COL4A4: variants seen among roughly 807,000 people sequenced by gnomAD.
The protein encoded by COL4A4 is collagen type IV alpha 4 chain.
A neutral mutation model predicts 192.9 loss-of-function variants in COL4A4; 105 were observed. The ratio of observed to expected loss-of-function variants is 0.54; its 90% CI spans 0.46 to 0.64. The LOEUF is 0.64. Ranked by LOEUF, COL4A4 falls within the 30% of genes least tolerant of loss-of-function variation. The probability of loss-of-function intolerance (pLI) is 0.00; values close to 1 mark genes in which losing one functional copy is unlikely to be tolerated. For missense variants in COL4A4, 1,967 were observed against 2,169.3 expected (o/e 0.91, Z 1.85); for synonymous variants, 762 against 769.9 (o/e 0.99, Z 0.17).
At chr2:227,068,801 T>A (rs1356177416) in intron 25 of COL4A4, among the ~76,000 whole-genome samples, 16 of 147,686 alleles carry the variant, frequency 1.1e-4, no homozygotes, top group Non-Finnish European at 2.0e-4. Context: ...CTTTGAAAAC[T>A]GGCACAAGAC....
rs182883335 is a variant in COL4A4, at chr2:227,063,386, A to G, written c.1988-788T>C. Among the ~76,000 whole-genome samples the G allele has an allele frequency of 3.5e-3, 533 of 152,230 alleles. 3 individuals carry two copies. The highest frequency in any genetic ancestry group is 6.3e-3 in the Non-Finnish European group (427 of 67,990). The stretch of plus-strand genomic sequence containing the variant: ...ATTTCTTTATATGCTCTCAGATCTA[A>G]GATATATCAGATGAATAAAAATGAC... On this transcript the variant is annotated intron_variant, in intron 25 of 47. Transcript: ENST00000396625.
chr2:227,102,846 T>C lies in COL4A4; in HGVS notation c.873A>G (p.Gly291=). 1 of 1,612,364 alleles carries C rather than the reference T, an allele frequency of 6.2e-7. No homozygotes were observed. The highest frequency in any genetic ancestry group is 1.1e-5 in the South Asian group (1 of 91,022). ...VGLPGPPGRK[G]ESGIGAKGEK... The stretch of plus-strand genomic sequence containing the variant: ...CTCCTTTTGCCCCAATACCAGATTC[T>C]CCCTTTAAGAGATGACAACATTTAG... Residue 291 remains glycine (G), a splice_region_variant and synonymous_variant, in exon 15 of 48, where the codon GGA becomes GGG. Transcript: ENST00000396625.
In COL4A4 at chr2:227,062,541, T is replaced by C. The variant is rs142093416; in HGVS notation, c.2045A>G (p.Asp682Gly). 102 of 1,604,480 alleles carry C rather than the reference T, an allele frequency of 6.4e-5. No individual in the cohort carries two copies. In the East Asian group the frequency reaches 2.3e-3, roughly 35 times the overall value. ...YPGRHGPPGF[D>G]GPPGPKGFPG... ...CTCATTGATAATACCTGGAGGTCCATCAAAACCTGGAGGGCCATGCCTCCC... is the reference window on the plus strand; with the variant it reads ...CTCATTGATAATACCTGGAGGTCCACCAAAACCTGGAGGGCCATGCCTCCC... Residue 682 changes from aspartate to glycine, a missense_variant, in exon 26 of 48, where the codon GAT (aspartate) becomes GGT (glycine). By Grantham distance (94) the Asp-to-Gly change is moderately conservative. Transcript: ENST00000396625.
chr2:227,049,719 G>A (rs114561081), intron 34 of COL4A4, among the ~76,000 whole-genome samples: 2,327 of 152,304 alleles, frequency 0.015, 52 homozygotes, highest in African/African-American at 0.053. Context: ...CGGGACATAG[G>A]GTTTCTAAGC....
At position 227,101,491 on chromosome 2, in the gene COL4A4, G is replaced by A. The variant is rs758049481; in HGVS notation, c.1029+13C>T. ...CTTTTATCAGGATATATTAAAATAG[G>A]CTCACTTTTTACCTTTGGGCCAATT... On this transcript the variant is annotated intron_variant, in intron 17 of 47. Coordinates refer to ENST00000396625, the MANE Select transcript of COL4A4 (RefSeq NM_000092.5). The A allele has an allele frequency of 6.3e-7, 1 of 1,596,898 alleles. No individual in the cohort carries two copies. The highest frequency in any genetic ancestry group is 1.4e-5 in the African/African-American group (1 of 73,808).
intron 43 of COL4A4, among the ~76,000 whole-genome samples, chr2:227,023,662 T>G (rs972287729): frequency 3.3e-5 from 5 of 152,114 alleles, no homozygotes; most frequent in African/African-American, 1.2e-4. Context: ...CTTTTACTAT[T>G]AAATCCTCCC....
At position 227,057,463 on chromosome 2, in the gene COL4A4, G is replaced by T; in HGVS notation, c.2521C>A (p.Leu841Ile). 2 of 1,609,736 alleles carry T rather than the reference G, an allele frequency of 1.2e-6. No homozygotes were observed. Among genetic ancestry groups the T allele is most frequent in the African/African-American group, 1.3e-5 (1 of 75,010 alleles). Residue 841 changes from leucine to isoleucine, a missense_variant, in exon 29 of 48, where the codon CTC becomes ATC. Leu to Ile is a conservative substitution (Grantham distance 5). Transcript: ENST00000396625. The stretch of plus-strand genomic sequence containing the variant: ...CCTGGGCTACCTGGATACCCAGGGA[G>T]TCCCGGTTGCCCTGGTATCCCTGGA... ...GAPGIPGQPGLPGYPGSPGAP... is the reference protein window; with the variant it reads ...GAPGIPGQPGIPGYPGSPGAP...
intron 12 of COL4A4, among the ~76,000 whole-genome samples, chr2:227,105,023 A>G (rs1002950734): frequency 2.0e-5 from 3 of 151,948 alleles, no homozygotes; most frequent in Non-Finnish European, 4.4e-5. Context: ...GTGAATAAAC[A>G]ATTTGTTTTA....
chr2:227,104,134 C>T (rs556927819), intron 12 of COL4A4, 82 bp from the exon 13 acceptor site: 36 of 1,097,010 alleles, frequency 3.3e-5, no homozygotes, highest in Non-Finnish European at 4.7e-5. Context: ...TGGTATAATG[C>T]TTCCAATCCT....
At chr2:227,014,137 G>A (rs536374236) in intron 44 of COL4A4, among the ~76,000 whole-genome samples, 2 of 152,228 alleles carry the variant, frequency 1.3e-5, no homozygotes, top group South Asian at 4.2e-4. Context: ...GAGCAACCCT[G>A]GACTCAATCT....
In COL4A4 at chr2:227,008,067, G is replaced by T. The variant is rs190148408; in HGVS notation, c.4760C>A (p.Pro1587Gln). Residue 1587 changes from proline (P) to glutamine (Q), a missense_variant, in exon 47 of 48, where the codon CCA becomes CAA. Transcript: ENST00000396625. ...GAGGCTCCTCCAGGTCTGCGGACAT[G>T]GGGGGATGGACTGGTCCTGGCTGTG... ...AVHSQDQSIP[P>Q]CPQTWRSLWI... The T allele has an allele frequency of 1.1e-5, 17 of 1,613,766 alleles. No homozygotes were observed. The Admixed American group carries it at 2.2e-4, about 21-fold the overall frequency.
At chr2:227,152,882 T>C (rs1173492445) in intron 1 of COL4A4, among the ~76,000 whole-genome samples, 1 of 152,094 alleles carries the variant, frequency 6.6e-6, no homozygotes, top group Non-Finnish European at 1.5e-5. Context: ...TCTATCACTA[T>C]CACCAAAAAA....
intron 19 of COL4A4, among the ~76,000 whole-genome samples, chr2:227,095,128 A>G (rs2060142216): frequency 6.6e-6 from 1 of 152,162 alleles, no homozygotes; most frequent in African/African-American, 2.4e-5. Context: ...ATTCTTTAGG[A>G]TTATTGGGGA....
At chr2:227,039,856 T>G (rs965648625) in intron 37 of COL4A4, among the ~76,000 whole-genome samples, 1 of 152,218 alleles carries the variant, frequency 6.6e-6, no homozygotes, top group Non-Finnish European at 1.5e-5. Context: ...AATCCTAAAT[T>G]TATCATGAAT....
chr2:227,068,539 C>T (rs4606920), intron 25 of COL4A4, among the ~76,000 whole-genome samples: 41,756 of 152,016 alleles, frequency 0.27, 6,113 homozygotes, highest in South Asian at 0.38. Flanking sequence ...GGGCTTCACC[C>T]CTGGGATGCA....
rs755124629 is a variant in COL4A4, at chr2:227,057,489, G to A, written c.2495C>T (p.Ala832Val). Residue 832 changes from alanine to valine, a missense_variant, in exon 29 of 48, where the codon GCT (alanine) becomes GTT (valine). Coordinates refer to ENST00000396625, the MANE Select transcript of COL4A4 (RefSeq NM_000092.5). Reference sequence around the variant, plus strand: ...TCCCGGTTGCCCTGGTATCCCTGGAGCACCTCTTTCACAGGAATGGCCAGG... The same window carrying A: ...TCCCGGTTGCCCTGGTATCCCTGGAACACCTCTTTCACAGGAATGGCCAGG... ...GPPGHSCERG[A>V]PGIPGQPGLP... 1 of 1,612,640 alleles carries A rather than the reference G, an allele frequency of 6.2e-7. No individual in the cohort carries two copies. Among genetic ancestry groups the A allele is most frequent in the Non-Finnish European group, 8.5e-7 (1 of 1,179,496 alleles).
intron 19 of COL4A4, among the ~76,000 whole-genome samples, chr2:227,097,049 C>G (rs2060241288): frequency 6.6e-6 from 1 of 152,040 alleles, no homozygotes; most frequent in Non-Finnish European, 1.5e-5. Context: ...AAAATGAGCT[C>G]CTGTGGATTT....
intron 1 of COL4A4, among the ~76,000 whole-genome samples, chr2:227,148,840 C>CTTT (rs567170955): frequency 7.2e-6 from 1 of 139,340 alleles, no homozygotes; most frequent in Non-Finnish European, 1.6e-5. Flanking sequence ...ATGTTACCAA[C>CTTT]TTTTTTTTTT....
intron 25 of COL4A4, among the ~76,000 whole-genome samples, chr2:227,076,458 C>A (rs987560139): frequency 4.6e-5 from 7 of 152,070 alleles, no homozygotes; most frequent in Non-Finnish European, 1.0e-4. Context: ...AGAAACTGGA[C>A]CCCTTCCTTA....
Sources: gnomAD v4.1 joint callset for allele counts (sites outside exome capture counted in the v4.1 genomes callset) on GRCh38, gnomAD v4.1.1 for gene constraint, MANE v1.5 for transcripts, NCBI Gene and HGNC (gene_info 2026-07-23, HGNC 2026-07-21) for gene names.